The following OR1F1 variants were observed in gnomAD, a reference collection of about 807,000 sequenced individuals.
OR1F1 encodes olfactory receptor family 1 subfamily F member 1.
For missense variants in OR1F1, 493 were observed against 376.3 expected (o/e 1.31, Z -2.57); for synonymous variants, 184 against 156.7 (o/e 1.17, Z -1.30).
chr16:3,205,043 A>C, exon 1 of OR1F1: 1 of 1,613,782 alleles, frequency 6.2e-7, no homozygotes, highest in Non-Finnish European at 8.5e-7. Flanking sequence ...CTGTCCTCCC[A>C]CTCAGCTGAG....
downstream of OR1F1, among the ~76,000 whole-genome samples, chr16:3,206,450 C>T (rs1398060787): frequency 1.1e-4 from 16 of 152,204 alleles, no homozygotes; most frequent in Admixed American, 9.2e-4. Context: ...ACTCCCTGTT[C>T]GTACACCCCC....
exon 1 of OR1F1, chr16:3,204,588 C>G: frequency 6.2e-7 from 1 of 1,614,182 alleles, no homozygotes; most frequent in Non-Finnish European, 8.5e-7. Context: ...ACAATTTCCT[C>G]CTAGCTGTGA....
At chr16:3,197,180 T>C in the OR1F1 span, among the ~76,000 whole-genome samples, 7 of 140,710 alleles carry the variant, frequency 5.0e-5, no homozygotes, top group African/African-American at 1.9e-4. Context: ...CTGGCATTTT[T>C]TTTTTTTTTT....
chr16:3,196,034 TTTCTC>T, the OR1F1 span, among the ~76,000 whole-genome samples: 2 of 152,356 alleles, frequency 1.3e-5, no homozygotes, highest in Admixed American at 1.3e-4. Flanking sequence ...CCTGGTGGAC[TTTCTC>T]TTCTCCTGGG....
chr16:3,199,416 G>T (rs780328980), upstream of OR1F1, among the ~76,000 whole-genome samples: 6 of 152,172 alleles, frequency 3.9e-5, no homozygotes, highest in Non-Finnish European at 8.8e-5. Context: ...GCTGAGGTAA[G>T]AGGATTGCTT....
At chr16:3,204,380 T>C in exon 1 of OR1F1, 2 of 1,614,104 alleles carry the variant, frequency 1.2e-6, no homozygotes, top group Non-Finnish European at 1.7e-6. Flanking sequence ...AACCTGCTCA[T>C]CATCCTGTCC....
the OR1F1 span, among the ~76,000 whole-genome samples, chr16:3,192,229 T>C: frequency 6.6e-6 from 1 of 152,266 alleles, no homozygotes; most frequent in East Asian, 1.9e-4. Flanking sequence ...ATTAATTTTT[T>C]GTATTTTTAG....
upstream of OR1F1, among the ~76,000 whole-genome samples, chr16:3,201,935 C>A (rs1432776232): frequency 6.6e-6 from 1 of 152,170 alleles, no homozygotes; most frequent in South Asian, 2.1e-4. Flanking sequence ...AATATGGCTG[C>A]AAAACTCCCT....
chr16:3,206,456 C>T (rs1958211071), downstream of OR1F1, among the ~76,000 whole-genome samples: 1 of 151,858 alleles, frequency 6.6e-6, no homozygotes, highest in South Asian at 2.1e-4. Context: ...TGTTCGTACA[C>T]CCCCACCCCT....
Position 3,204,586 on chromosome 16 carries a change from C to A in OR1F1, c.340C>A (p.Leu114Ile), listed in dbSNP as rs758873218. 97 of 1,614,062 alleles carry A rather than the reference C, an allele frequency of 6.0e-5. No homozygotes were observed. The highest frequency in any genetic ancestry group is 8.1e-5 in the Non-Finnish European group (96 of 1,180,034). ...CATGTTCGTGGACATGGACAATTTCCTCCTAGCTGTGATGGCCTATGACCA... is the reference window on the plus strand; with the variant it reads ...CATGTTCGTGGACATGGACAATTTCATCCTAGCTGTGATGGCCTATGACCA... Residue 114 changes from leucine to isoleucine, a missense_variant, in exon 1 of 1, where the codon CTC becomes ATC. By Grantham distance (5) the Leu-to-Ile change is conservative. Coordinates refer to ENST00000304646, the Ensembl canonical transcript of OR1F1.
chr16:3,197,119 G>A, the OR1F1 span, among the ~76,000 whole-genome samples: 9 of 150,584 alleles, frequency 6.0e-5, no homozygotes, highest in East Asian at 3.9e-4. Context: ...CAGGTGATCC[G>A]CTCTCCTCAG....
the OR1F1 span, among the ~76,000 whole-genome samples, chr16:3,194,765 G>A: frequency 1.4e-3 from 220 of 152,312 alleles, no homozygotes; most frequent in African/African-American, 5.0e-3. Context: ...AAGTGAGGTG[G>A]GCAGATGATC....
chr16:3,196,108 C>G, the OR1F1 span, among the ~76,000 whole-genome samples: 49 of 152,234 alleles, frequency 3.2e-4, no homozygotes, highest in African/African-American at 1.2e-3. Context: ...ACGTTCATGT[C>G]AAGTGGTGAG....
downstream of OR1F1, among the ~76,000 whole-genome samples, chr16:3,205,474 C>G (rs573899333): frequency 1.3e-4 from 19 of 145,422 alleles, no homozygotes; most frequent in South Asian, 4.3e-3. Context: ...TGCCACATGC[C>G]TAGCTAAATT....
chr16:3,192,001 T>C, the OR1F1 span, among the ~76,000 whole-genome samples: 27 of 152,292 alleles, frequency 1.8e-4, 2 homozygotes, highest in South Asian at 5.0e-3. Flanking sequence ...CTCGTTGGTC[T>C]AGGGGTATGA....
At chr16:3,197,034 A>C in the OR1F1 span, among the ~76,000 whole-genome samples, 1 of 151,750 alleles carries the variant, frequency 6.6e-6, no homozygotes, top group African/African-American at 2.4e-5. Context: ...GCGCCACTGC[A>C]CCTAATTTTT....
chr16:3,204,292 G>T lies in OR1F1; in HGVS notation c.46G>T (p.Gly16Ter). ...GAGTGTCTCCGAGTTCCTCCTCCTG[G>T]GACTCTCCAGGCAGCCCCAGCAGCA... is the stretch of plus-strand genomic sequence containing the variant. The change falls in exon 1 of 1, where the codon GGA becomes TGA. Residue 16 changes from glycine to a stop codon, truncating the protein, a stop_gained. Transcript: ENST00000304646. LOFTEE classifies it low-confidence loss of function (END_TRUNC). 1 of 1,613,514 alleles carries T rather than the reference G, an allele frequency of 6.2e-7. No individual in the cohort carries two copies. Among genetic ancestry groups the T allele is most frequent in the East Asian group, 2.2e-5 (1 of 44,872 alleles).
exon 1 of OR1F1, chr16:3,204,502 A>C (rs376639452): frequency 6.2e-7 from 1 of 1,613,966 alleles, no homozygotes; most frequent in African/African-American, 1.3e-5. Context: ...GGCCAATCAC[A>C]TACTCGAGAC....
chr16:3,195,209 C>T, the OR1F1 span, among the ~76,000 whole-genome samples: 1 of 152,150 alleles, frequency 6.6e-6, no homozygotes, highest in African/African-American at 2.4e-5. Context: ...CTTCCTGCCG[C>T]TACGGAAACA....
Sources: allele counts gnomAD v4.1 joint callset (sites outside exome capture counted in the v4.1 genomes callset), GRCh38; gene constraint gnomAD v4.1.1; transcripts MANE v1.5; gene names NCBI Gene and HGNC (gene_info 2026-07-23, HGNC 2026-07-21).